SPAG16: variants seen among roughly 807,000 people sequenced by gnomAD.
The protein encoded by SPAG16 is sperm associated antigen 16.
SPAG16 carries 86 observed loss-of-function variants against 80.4 expected under a neutral mutation model. The observed-to-expected ratio is 1.07, with a 90% CI of 0.90 to 1.28. The LOEUF (loss-of-function observed/expected upper bound fraction) is 1.28. Ranked by LOEUF, SPAG16 falls within the 50% of genes most tolerant of loss-of-function variation. SPAG16 has a pLI of 0.00. For missense variants in SPAG16, 870 were observed against 765.3 expected (o/e 1.14, Z -1.61); for synonymous variants, 294 against 265.9 (o/e 1.11, Z -1.03).
rs575217176 is a variant in SPAG16 at position 214,151,022 on chromosome 2, G to A, written c.1720+1756G>A. Among the ~76,000 whole-genome samples, 7 of 152,100 alleles carry A rather than the reference G, an allele frequency of 4.6e-5. No homozygotes were observed. In the South Asian group the frequency reaches 6.2e-4, roughly 14 times the overall value. ...AACATCAAAGACAACACGTATGAAC[G>A]AGGGACTCTAATGAAAACACTTTAT... On this transcript the variant is annotated intron_variant, in intron 15 of 15. Coordinates refer to ENST00000331683, the MANE Select transcript of SPAG16 (RefSeq NM_024532.5).
chr2:213,494,589 C>G (rs928181408), intron 10 of SPAG16, among the ~76,000 whole-genome samples: 3 of 152,174 alleles, frequency 2.0e-5, no homozygotes, highest in African/African-American at 7.2e-5. Flanking sequence ...CATACTCTTG[C>G]AAAAGCCTCC....
At chr2:213,500,934 T>A (rs778262430) in intron 10 of SPAG16, among the ~76,000 whole-genome samples, 2 of 152,006 alleles carry the variant, frequency 1.3e-5, no homozygotes, top group Admixed American at 6.6e-5. Context: ...AGGTCATGAG[T>A]AATGAGATAA....
intron 15 of SPAG16, among the ~76,000 whole-genome samples, chr2:214,274,452 A>G (rs1692292055): frequency 6.6e-6 from 1 of 152,162 alleles, no homozygotes; most frequent in Non-Finnish European, 1.5e-5. Flanking sequence ...AGCTCTTACT[A>G]TTTTGAGATA....
chr2:214,280,653 C>G (rs1160850216), intron 15 of SPAG16: 1 of 292,880 alleles, frequency 3.4e-6, no homozygotes, highest in Non-Finnish European at 6.7e-6. Flanking sequence ...CAGTAGCCTG[C>G]CCCTGAGCTG....
intron 10 of SPAG16, among the ~76,000 whole-genome samples, chr2:213,495,889 A>G (rs1257457131): frequency 6.6e-6 from 1 of 152,176 alleles, no homozygotes; most frequent in East Asian, 1.9e-4. Flanking sequence ...GGACAGAATA[A>G]GTGACCCTGG....
intron 7 of SPAG16, among the ~76,000 whole-genome samples, chr2:213,353,694 C>T (rs919147381): frequency 6.6e-6 from 1 of 152,138 alleles, no homozygotes; most frequent in African/African-American, 2.4e-5. Flanking sequence ...GGCATCTCGT[C>T]CCTCAGGCAC....
chr2:214,048,300 A>G (rs555972175), intron 13 of SPAG16, among the ~76,000 whole-genome samples: 4 of 152,322 alleles, frequency 2.6e-5, no homozygotes, highest in East Asian at 1.9e-4. Flanking sequence ...CTAAGTGCCC[A>G]TCGACACTTA....
chr2:213,588,627 C>G (rs796539707), intron 10 of SPAG16, among the ~76,000 whole-genome samples: 6 of 150,154 alleles, frequency 4.0e-5, no homozygotes, highest in African/African-American at 1.5e-4. Context: ...AAGGTGAAAC[C>G]CCGTCTCTAC....
At chr2:213,437,062 C>T (rs1435673019) in intron 9 of SPAG16, among the ~76,000 whole-genome samples, 1 of 152,108 alleles carries the variant, frequency 6.6e-6, no homozygotes, top group Non-Finnish European at 1.5e-5. Flanking sequence ...CAGGCACCCA[C>T]CACCGCGCCC....
intron 14 of SPAG16, among the ~76,000 whole-genome samples, chr2:214,131,316 G>T (rs950916474): frequency 2.0e-5 from 3 of 151,392 alleles, no homozygotes; most frequent in Non-Finnish European, 4.4e-5. Flanking sequence ...ATTACAGTGA[G>T]CTGTGATCAT....
intron 12 of SPAG16, among the ~76,000 whole-genome samples, chr2:213,986,742 A>G (rs552253304): frequency 6.6e-6 from 1 of 152,038 alleles, no homozygotes; most frequent in South Asian, 2.1e-4. Flanking sequence ...ACTATGCCTT[A>G]TTACTACGTT....
At chr2:214,132,050 T>C (rs2054808946) in intron 14 of SPAG16, among the ~76,000 whole-genome samples, 1 of 152,182 alleles carries the variant, frequency 6.6e-6, no homozygotes, top group African/African-American at 2.4e-5. Flanking sequence ...ACAGGACATA[T>C]GAGAAATCTT....
intron 1 of SPAG16, among the ~76,000 whole-genome samples, chr2:213,294,120 G>A (rs973026126): frequency 2.0e-5 from 3 of 152,082 alleles, no homozygotes; most frequent in Non-Finnish European, 2.9e-5. Context: ...CCCTTCTAAT[G>A]TCTGTTTCTG....
At position 213,284,536 on chromosome 2, in the gene SPAG16, C is replaced by T. The variant is rs916261971; in HGVS notation, c.53C>T (p.Ala18Val). 1.2e-6 allele frequency: 2 copies of T among 1,600,622 alleles called. No individual in the cohort carries two copies. The highest frequency in any genetic ancestry group is 1.3e-5 in the African/African-American group (1 of 74,756). Residue 18 changes from alanine (A) to valine (V), a missense_variant, in exon 1 of 16, where the codon GCG becomes GTG. By Grantham distance (64) the Ala-to-Val change is moderately conservative. Transcript: ENST00000331683. ...TCCGCCGTGAGGGTCCTGGAAGAGG[C>T]GTTGGGCATGGGTTTGACGGCAGCC... ...PSSAVRVLEE[A>V]LGMGLTAAGD...
chr2:213,666,463 C>T (rs2063606733), intron 10 of SPAG16, among the ~76,000 whole-genome samples: 1 of 152,136 alleles, frequency 6.6e-6, no homozygotes, highest in East Asian at 1.9e-4. Context: ...TATGCTTAGT[C>T]TTATAAAACC....
At chr2:214,358,379 C>G (rs1377253948) in intron 15 of SPAG16, among the ~76,000 whole-genome samples, 1 of 151,904 alleles carries the variant, frequency 6.6e-6, no homozygotes, top group Non-Finnish European at 1.5e-5. Context: ...GATACCTTAT[C>G]TTTAGAAATT....
chr2:213,812,029 T>C (rs931889363), intron 10 of SPAG16, among the ~76,000 whole-genome samples: 1 of 152,066 alleles, frequency 6.6e-6, no homozygotes, highest in Non-Finnish European at 1.5e-5. Context: ...CAACAGGAGT[T>C]AGAAGCATGG....
Position 214,175,738 on chromosome 2 carries a change from TTC to T in SPAG16, c.1720+26473_1720+26474del, listed in dbSNP as rs367873421. 2.6e-3 allele frequency among the ~76,000 whole-genome samples: 397 copies of T among 151,708 alleles called. 2 individuals are homozygous for T. Among genetic ancestry groups the T allele is most frequent in the African/African-American group, 8.8e-3 (365 of 41,478 alleles). Reference sequence around the variant, plus strand: ...AATACATTAAAAAGCAAGAAAACAGTTCCTGGTCAGAACAGCAAGGAGAAAAA... The same window carrying T: ...AATACATTAAAAAGCAAGAAAACAGTCTGGTCAGAACAGCAAGGAGAAAAA... On this transcript the variant is annotated intron_variant, in intron 15 of 15. Transcript: ENST00000331683.
intron 10 of SPAG16, among the ~76,000 whole-genome samples, chr2:213,499,974 A>G (rs1310115955): frequency 1.3e-5 from 2 of 152,038 alleles, no homozygotes; most frequent in East Asian, 1.9e-4. Context: ...TTCCTCATCT[A>G]TTTGGCCTTC....
Sources: allele counts gnomAD v4.1 joint callset (sites outside exome capture counted in the v4.1 genomes callset), GRCh38; gene constraint gnomAD v4.1.1; transcripts MANE v1.5; gene names NCBI Gene and HGNC (gene_info 2026-07-23, HGNC 2026-07-21).